Variants in EPHA6 observed in about 807,000 individuals in gnomAD.
EPHA6 encodes ephrin type-A receptor 6.
In EPHA6, 50 loss-of-function variants were observed where a neutral mutation model predicts 112.0. The observed-to-expected ratio is 0.45, with a 90% CI of 0.36 to 0.56. The LOEUF (loss-of-function observed/expected upper bound fraction) is 0.56. EPHA6 is among the 20% of genes least tolerant of loss of function. The pLI is 0.00. For synonymous variants in EPHA6, 529 were observed against 490.7 expected (o/e 1.08, Z -1.03); for missense variants, 1,280 against 1,417.4 (o/e 0.90, Z 1.56).
chr3:97,264,319 C>A (rs2079600937), intron 5 of EPHA6, among the ~76,000 whole-genome samples: 1 of 152,212 alleles, frequency 6.6e-6, no homozygotes. Context: ...AGCATGGGGT[C>A]CGGCCATTGC....
At chr3:97,731,008 G>T (rs2035009263) in intron 15 of EPHA6, among the ~76,000 whole-genome samples, 1 of 152,090 alleles carries the variant, frequency 6.6e-6, no homozygotes, top group Non-Finnish European at 1.5e-5. Flanking sequence ...CATGATCACA[G>T]TTCCACTTCA....
At chr3:96,986,753 G>A (rs1290878621) in intron 2 of EPHA6, among the ~76,000 whole-genome samples, 1 of 152,100 alleles carries the variant, frequency 6.6e-6, no homozygotes, top group African/African-American at 2.4e-5. Flanking sequence ...AGTGTCCAGG[G>A]TATGGGAATG....
chr3:96,984,178 G>T (rs998008109), intron 2 of EPHA6, among the ~76,000 whole-genome samples: 4 of 151,970 alleles, frequency 2.6e-5, no homozygotes, highest in African/African-American at 9.7e-5. Context: ...TCCCATCTTT[G>T]TGGTTTTATC....
chr3:97,691,650 T>C (rs1395633536), intron 14 of EPHA6, among the ~76,000 whole-genome samples: 1 of 152,214 alleles, frequency 6.6e-6, no homozygotes. Context: ...AAATTCTTGC[T>C]TAAGGAAAAG....
intron 9 of EPHA6, among the ~76,000 whole-genome samples, chr3:97,479,579 T>C (rs1167000995): frequency 6.6e-6 from 1 of 152,210 alleles, no homozygotes. Context: ...TTCTGCTTGC[T>C]GGAAAACACA....
At chr3:97,682,434 C>G (rs1576278679) in intron 14 of EPHA6, among the ~76,000 whole-genome samples, 1 of 152,032 alleles carries the variant, frequency 6.6e-6, no homozygotes, top group Non-Finnish European at 1.5e-5. Context: ...GACAACCCAC[C>G]TGAAACATTC....
At chr3:97,313,866 A>T (rs1190546992) in intron 5 of EPHA6, among the ~76,000 whole-genome samples, 1 of 151,568 alleles carries the variant, frequency 6.6e-6, no homozygotes, top group African/African-American at 2.4e-5. Flanking sequence ...TGCTGTGCAG[A>T]AAAAGCTTTT....
intron 10 of EPHA6, among the ~76,000 whole-genome samples, chr3:97,526,695 C>A (rs1009422025): frequency 3.3e-5 from 5 of 152,140 alleles, no homozygotes; most frequent in Admixed American, 6.5e-5. Context: ...AAGGTCCCTT[C>A]AGGATCTGTT....
At chr3:97,029,104 T>G (rs1183133102) in intron 3 of EPHA6, among the ~76,000 whole-genome samples, 1 of 151,654 alleles carries the variant, frequency 6.6e-6, no homozygotes, top group Non-Finnish European at 1.5e-5. Context: ...AATAAAATTC[T>G]AATATGCATG....
chr3:97,552,990 G>C (rs1261506873), intron 11 of EPHA6, among the ~76,000 whole-genome samples: 1 of 152,004 alleles, frequency 6.6e-6, no homozygotes, highest in African/African-American at 2.4e-5. Flanking sequence ...CTAGTGTCTT[G>C]GATTAAAGAA....
chr3:97,202,683 G>T lies in EPHA6; in HGVS notation c.1115-23581G>T, dbSNP rs144857448. On this transcript the variant is annotated intron_variant, in intron 3 of 17. Coordinates refer to ENST00000389672, the MANE Select transcript of EPHA6 (RefSeq NM_001080448.3). ...AGTAATAACAATTTACCCATAATTG[G>T]GCTGGAAGATAGTTGAACTTGTGTT... Among the ~76,000 whole-genome samples the T allele has an allele frequency of 3.2e-3, 481 of 152,088 alleles. 1 individual carries two copies. Among genetic ancestry groups the T allele is most frequent in the African/African-American group, 0.011 (444 of 41,496 alleles).
intron 6 of EPHA6, among the ~76,000 whole-genome samples, chr3:97,428,035 T>C (rs2089269812): frequency 6.6e-6 from 1 of 150,926 alleles, no homozygotes; most frequent in African/African-American, 2.5e-5. Context: ...CCTGCACATG[T>C]ATTTCCTGAA....
At position 96,987,834 on chromosome 3, in the gene EPHA6, G is replaced by A. The variant is rs778299137; in HGVS notation, c.955G>A (p.Asp319Asn). ...GTTTCCTGATACCATTCCAAGGGTT[G>A]ATTCCTCCTCTTTGGTTGAAGTACG... ...AMFPDTIPRV[D>N]SSSLVEVRGS... Residue 319 changes from aspartate to asparagine, a missense_variant, in exon 3 of 18, where the codon GAT becomes AAT. Coordinates refer to ENST00000389672, the MANE Select transcript of EPHA6 (RefSeq NM_001080448.3). 35 of 1,613,792 alleles carry A rather than the reference G, an allele frequency of 2.2e-5. No homozygotes were observed. The highest frequency in any genetic ancestry group is 2.8e-5 in the Non-Finnish European group (33 of 1,179,872).
intron 5 of EPHA6, among the ~76,000 whole-genome samples, chr3:97,250,815 G>A (rs2079114959): frequency 6.6e-6 from 1 of 151,860 alleles, no homozygotes; most frequent in African/African-American, 2.4e-5. Context: ...GATTCATTAT[G>A]TATGTTGTTA....
intron 2 of EPHA6, among the ~76,000 whole-genome samples, chr3:96,980,211 C>G (rs1162562589): frequency 1.3e-5 from 2 of 152,160 alleles, no homozygotes; most frequent in African/African-American, 4.8e-5. Context: ...TTTAATCCAT[C>G]TTGAATTGAT....
intron 5 of EPHA6, among the ~76,000 whole-genome samples, chr3:97,349,434 A>ATGG (rs1281841250): frequency 6.6e-6 from 1 of 152,100 alleles, no homozygotes; most frequent in Non-Finnish European, 1.5e-5. Flanking sequence ...TACCATTGTC[A>ATGG]GCATCATCAA....
At chr3:97,644,118 C>T (rs1191506473) in intron 14 of EPHA6, among the ~76,000 whole-genome samples, 6 of 152,144 alleles carry the variant, frequency 3.9e-5, no homozygotes, top group African/African-American at 1.2e-4. Context: ...CAAACTAGAG[C>T]TCAGGATTAA....
intron 1 of EPHA6, among the ~76,000 whole-genome samples, chr3:96,866,288 G>T (rs934201006): frequency 6.6e-6 from 1 of 151,844 alleles, no homozygotes; most frequent in Non-Finnish European, 1.5e-5. Context: ...GTTTGGTTTC[G>T]CATCTTATAG....
chr3:96,884,245 A>G (rs368461702), intron 2 of EPHA6, among the ~76,000 whole-genome samples: 82 of 151,716 alleles, frequency 5.4e-4, no homozygotes, highest in African/African-American at 1.9e-3. Flanking sequence ...GTTTTTTCTA[A>G]TTTTTTGAAG....
Sources: allele counts gnomAD v4.1 joint callset (sites outside exome capture counted in the v4.1 genomes callset), GRCh38; gene constraint gnomAD v4.1.1; transcripts MANE v1.5; gene names NCBI Gene and HGNC (gene_info 2026-07-23, HGNC 2026-07-21).